The following PIF1 variants were observed in gnomAD, a reference collection of about 807,000 sequenced individuals.
The protein encoded by PIF1 is ATP-dependent DNA helicase PIF1.
In PIF1, 67 loss-of-function variants were observed where a neutral mutation model predicts 62.3. The ratio of observed to expected loss-of-function variants is 1.08; its 90% CI spans 0.88 to 1.32. The LOEUF (loss-of-function observed/expected upper bound fraction) is 1.32. PIF1 is among the 40% of genes most tolerant of loss of function. The pLI, the probability that PIF1 is intolerant of heterozygous loss-of-function variation, is 0.00. For missense variants in PIF1, 886 were observed against 866.1 expected, an observed-to-expected ratio of 1.02 and a Z score of -0.29; for synonymous variants, 364 against 379.5, an observed-to-expected ratio of 0.96 and a Z score of 0.47.
chr15:64,821,412 G>A lies in PIF1; in HGVS notation c.926C>T (p.Ser309Leu). The A allele has an allele frequency of 6.2e-7, 1 of 1,614,198 alleles. No individual in the cohort carries two copies. Among genetic ancestry groups the A allele is most frequent in the East Asian group, 2.2e-5 (1 of 44,876 alleles). Residue 309 changes from serine (S) to leucine (L), a missense_variant, in exon 5 of 13, where the codon TCA becomes TTA. Transcript: ENST00000559239. ...NCQRLVIDEI[S>L]MVEADLFDKL... Reference sequence around the variant, plus strand: ...GTCAAACAGGTCTGCCTCCACCATTGAGATCTCGTCAATGACCAACCGCTG... The same window carrying A: ...GTCAAACAGGTCTGCCTCCACCATTAAGATCTCGTCAATGACCAACCGCTG...
intron 8 of PIF1, among the ~76,000 whole-genome samples, chr15:64,819,528 C>T (rs544543239): frequency 2.0e-5 from 3 of 152,006 alleles, no homozygotes; most frequent in East Asian, 1.9e-4. Flanking sequence ...AGGCTGGTCT[C>T]GAACTGCTGG....
chr15:64,824,021 G>A lies in PIF1; in HGVS notation c.315C>T (p.Leu105=). 1 of 1,292,142 alleles carries A rather than the reference G, an allele frequency of 7.7e-7. No homozygotes were observed. The highest frequency in any genetic ancestry group is 2.4e-5 in the South Asian group (1 of 41,996). 80.0% of individuals were successfully genotyped at this position (1,292,142 alleles called of 1,614,324 possible). Residue 105 remains leucine, a synonymous_variant, in exon 2 of 13, where the codon CTC becomes CTT. Coordinates refer to ENST00000559239, the MANE Select transcript of PIF1 (RefSeq NM_001286496.2). ...TPGAGAVQLL[L]SDCPPDRLRR... ...GCAGGCGGTCTGGGGGGCAGTCCGA[G>A]AGCAGCAGCTGCACTGCGCCGGCCC...
intron 11 of PIF1, among the ~76,000 whole-genome samples, chr15:64,817,714 T>G (rs1249521673): frequency 6.6e-6 from 1 of 151,216 alleles, no homozygotes; most frequent in South Asian, 2.1e-4. Flanking sequence ...ATACAAAAAT[T>G]AGCCAGGCGT....
In PIF1 at chr15:64,824,100, C is replaced by A. The variant is rs1567088586; in HGVS notation, c.236G>T (p.Arg79Leu). The A allele has an allele frequency of 1.6e-6, 2 of 1,268,256 alleles. No homozygotes were observed. Among genetic ancestry groups the A allele is most frequent in the East Asian group, 6.4e-5 (2 of 31,326 alleles). The allele number at this position is 1,268,256 out of a possible 1,614,324, so 78.6% of individuals were successfully genotyped here. The part of the protein sequence containing the change: ...FPLRAARLFT[R>L]FAEAGRSTLR... ...GGTGCTGCGCCCGGCCTCGGCGAAA[C>A]GCGTGAAGAGGCGCGCGGCGCGCAG... The change falls in exon 2 of 13, where the codon CGT becomes CTT. Residue 79 changes from arginine (R) to leucine (L), a missense_variant. Transcript: ENST00000559239.
At chr15:64,821,842 C>G (rs948912786) in intron 4 of PIF1, 9 of 305,784 alleles carry the variant, frequency 2.9e-5, no homozygotes, top group Non-Finnish European at 3.6e-5. Flanking sequence ...TGGGTTCACG[C>G]CATTCTCCTG....
Position 64,824,287 on chromosome 15 carries a change from G to C in PIF1, c.49C>G (p.Leu17Val). ...TCCTCCACAGCCACGCGGCACCGCA[G>C]CTCCGAGTCCTCATATTCCCCTGCC... is the stretch of plus-strand genomic sequence containing the variant. ...AAAGEYEDSE[L>V]RCRVAVEELS... Residue 17 changes from leucine (L) to valine (V), a missense_variant, in exon 2 of 13, where the codon CTG (leucine) becomes GTG (valine). Transcript: ENST00000559239. 7.9e-7 allele frequency: 1 copy of C among 1,270,536 alleles called. No homozygotes were observed. The highest frequency in any genetic ancestry group is 9.9e-7 in the Non-Finnish European group (1 of 1,006,844). 78.7% of individuals were successfully genotyped at this position (1,270,536 alleles called of 1,614,324 possible). A position where few individuals can be genotyped will look rare whatever the true frequency, so the allele number is the denominator to read the frequency against.
At chr15:64,821,578 T>G in intron 4 of PIF1, 58 bp from the exon 5 acceptor site, 1 of 1,497,010 alleles carries the variant, frequency 6.7e-7, no homozygotes. Flanking sequence ...TTTTTTTTTT[T>G]TTTTTTTTTT....
chr15:64,826,727 CAT>C (rs1193363058), upstream of PIF1, among the ~76,000 whole-genome samples: 60 of 131,414 alleles, frequency 4.6e-4, no homozygotes, highest in African/African-American at 9.9e-4. Context: ...TATACACACA[CAT>C]ATATATATAT....
intron 8 of PIF1, among the ~76,000 whole-genome samples, 180 bp downstream of exon 8, chr15:64,819,666 TG>T (rs981966516): frequency 6.6e-6 from 1 of 152,134 alleles, no homozygotes; most frequent in Non-Finnish European, 1.5e-5. Context: ...AGCGCAGGCC[TG>T]GGGGGCTGTG....
At chr15:64,821,991 C>G in intron 4 of PIF1, 2 of 415,888 alleles carry the variant, frequency 4.8e-6, no homozygotes, top group South Asian at 2.8e-5. Context: ...CCGCCTGCCT[C>G]GGCCTCCCAA....
chr15:64,826,525 G>T (rs1336152289), upstream of PIF1, among the ~76,000 whole-genome samples: 7 of 148,968 alleles, frequency 4.7e-5, no homozygotes, highest in Admixed American at 4.7e-4. Context: ...CTGCCGTGGC[G>T]CGATCGTGGC....
At chr15:64,824,923 C>A (rs2084346735) in intron 1 of PIF1, among the ~76,000 whole-genome samples, 1 of 149,376 alleles carries the variant, frequency 6.7e-6, no homozygotes, top group South Asian at 2.1e-4. Flanking sequence ...ACGCACCCTG[C>A]TACACAATTT....
At chr15:64,824,681 T>C (rs2084341992) in intron 1 of PIF1, among the ~76,000 whole-genome samples, 1 of 151,610 alleles carries the variant, frequency 6.6e-6, no homozygotes, top group African/African-American at 2.4e-5. Flanking sequence ...ACCTCGTCTC[T>C]ACTAAAAATA....
At position 64,823,970 on chromosome 15, in the gene PIF1, G is replaced by T; in HGVS notation, c.366C>A (p.Leu122=). The change falls in exon 2 of 13, where the codon CTC becomes CTA. Residue 122 remains leucine, a synonymous_variant. Coordinates refer to ENST00000559239, the MANE Select transcript of PIF1 (RefSeq NM_001286496.2). The part of the protein sequence containing the change: ...RLRRFLRTLR[L]KLAAAPGPGP... Reference sequence around the variant, plus strand: ...CGGGACCCGGGGCCGCAGCCAGCTTGAGGCGCAATGTGCGCAGGAAGCGGC... The same window carrying T: ...CGGGACCCGGGGCCGCAGCCAGCTTTAGGCGCAATGTGCGCAGGAAGCGGC... 7.7e-7 allele frequency: 1 copy of T among 1,303,560 alleles called. No homozygotes were observed. The highest frequency in any genetic ancestry group is 9.8e-7 in the Non-Finnish European group (1 of 1,025,080). 80.7% of individuals were successfully genotyped at this position (1,303,560 alleles called of 1,614,324 possible).
chr15:64,821,104 TG>T lies in PIF1; in HGVS notation c.1087-17del. ...AGCTCTTGGACTGGTGGGGGCAGGG[TG>T]GGGGTGGGTCAAGGAGCAGAGCAGA... On this transcript the variant is annotated splice_polypyrimidine_tract_variant and intron_variant, in intron 6 of 12. Transcript: ENST00000559239. 6.8e-7 allele frequency: 1 copy of T among 1,469,960 alleles called. No individual in the cohort carries two copies. The allele number at this position is 1,469,960 out of a possible 1,614,324, so 91.1% of individuals were successfully genotyped here.
chr15:64,822,259 T>C lies in PIF1; in HGVS notation c.817+7A>G, dbSNP rs2084299877. On this transcript the variant is annotated splice_region_variant and intron_variant, in intron 4 of 12. Coordinates refer to ENST00000559239, the MANE Select transcript of PIF1 (RefSeq NM_001286496.2). ...TCTTAGCTCAAGCCCTAGGGGTTCCTACTTACCTGCAAAGGCATGGAGGGT... is the reference window on the plus strand; with the variant it reads ...TCTTAGCTCAAGCCCTAGGGGTTCCCACTTACCTGCAAAGGCATGGAGGGT... 1 of 1,611,844 alleles carries C rather than the reference T, an allele frequency of 6.2e-7. No individual in the cohort carries two copies.
chr15:64,816,197 TGCCTGCCTACTCCAGTTATTCCCTGG>T lies in PIF1; in HGVS notation c.*75_*100del. ...CCCTAAAAAATACAGAAGGGGACACTGCCTGCCTACTCCAGTTATTCCCTGGGGCCCTGGGCCACTAGGGAGCAGGA... is the reference window on the plus strand; with the variant it reads ...CCCTAAAAAATACAGAAGGGGACACTGGCCCTGGGCCACTAGGGAGCAGGA... On this transcript the variant is annotated 3_prime_UTR_variant, in exon 13 of 13. Coordinates refer to ENST00000559239, the MANE Select transcript of PIF1 (RefSeq NM_001286496.2). The T allele has an allele frequency of 6.3e-7, 1 of 1,578,084 alleles. No homozygotes were observed. The highest frequency in any genetic ancestry group is 1.1e-5 in the South Asian group (1 of 88,288).
At chr15:64,826,665 T>TATACACAC (rs796684934), upstream of PIF1, among the ~76,000 whole-genome samples, 1,394 of 42,294 alleles carry the variant, frequency 0.033, 35 homozygotes, top group Middle Eastern at 0.045. Flanking sequence ...TATATATATA[T>TATACACAC]ACACACACAC....
At position 64,817,933 on chromosome 15, in the gene PIF1, C is replaced by T. The variant is rs1005265334; in HGVS notation, c.1674+13G>A. 1 of 1,605,150 alleles carries T rather than the reference C, an allele frequency of 6.2e-7. No homozygotes were observed. The highest frequency in any genetic ancestry group is 1.3e-5 in the African/African-American group (1 of 74,652). On this transcript the variant is annotated intron_variant, in intron 11 of 12. Transcript: ENST00000559239. ...CTGCCCTCCCTGTCCCTGCCCCCCA[C>T]ACCGGTGCTCACTTGGCTCTTGTGG...
Sources: allele counts gnomAD v4.1 joint callset (sites outside exome capture counted in the v4.1 genomes callset), GRCh38; gene constraint gnomAD v4.1.1; transcripts MANE v1.5; gene names NCBI Gene and HGNC (gene_info 2026-07-23, HGNC 2026-07-21).